SNX29: variants seen among roughly 807,000 people sequenced by gnomAD.
SNX29 encodes sorting nexin-29.
A neutral mutation model predicts 102.1 loss-of-function variants in SNX29; 78 were observed. The observed-to-expected ratio is 0.76, with a 90% confidence interval of 0.64 to 0.92. The LOEUF (loss-of-function observed/expected upper bound fraction) is 0.92. Ranked by LOEUF, SNX29 falls within the 40% of genes least tolerant of loss-of-function variation. The pLI, the probability that SNX29 is intolerant of heterozygous loss-of-function variation, is 0.00. For missense variants in SNX29, 1,280 were observed against 1,061.7 expected, an observed-to-expected ratio of 1.21 and a Z score of -2.86; for synonymous variants, 580 against 414.5, an observed-to-expected ratio of 1.40 and a Z score of -4.85.
intron 20 of SNX29, among the ~76,000 whole-genome samples, chr16:12,534,726 G>T (rs1302358369): frequency 2.0e-5 from 3 of 152,178 alleles, no homozygotes; most frequent in South Asian, 2.1e-4. Flanking sequence ...GTCACTCACT[G>T]CCCCTTGCCC....
rs551884597 is a variant in SNX29, at chr16:12,133,638, G to C, written c.1595+3880G>C. Among the ~76,000 whole-genome samples the C allele has an allele frequency of 2.0e-5, 3 of 152,230 alleles. No individual in the cohort carries two copies. In the East Asian group the frequency reaches 5.8e-4, roughly 29 times the overall value. The stretch of plus-strand genomic sequence containing the variant: ...TAATAAGTAAACTCTTTACCTCATA[G>C]AGTTTTGTTGAATAAATAAAACGAG... On this transcript the variant is annotated intron_variant, in intron 13 of 20. Coordinates refer to ENST00000566228, the MANE Select transcript of SNX29 (RefSeq NM_032167.5).
chr16:12,452,011 G>T (rs1315805878), intron 18 of SNX29, among the ~76,000 whole-genome samples: 1 of 152,162 alleles, frequency 6.6e-6, no homozygotes, highest in African/African-American at 2.4e-5. Context: ...CTCTAGAAAG[G>T]GCCCATGCTC....
chr16:12,199,743 G>A (rs769350388), intron 14 of SNX29, 60 bp downstream of exon 14: 20 of 1,393,542 alleles, frequency 1.4e-5, no homozygotes, highest in South Asian at 1.2e-4. Context: ...ACACCTGTAC[G>A]TGGCACGCAA....
In SNX29 at chr16:12,557,017, C is replaced by CG. The variant is rs1030746554; in HGVS notation, c.2319-11489_2319-11488insG. On this transcript the variant is annotated intron_variant, in intron 20 of 20. Transcript: ENST00000566228. ...TACACACCACATCTGGCTAATTTAC[C>CG]CCCCCCCCGCCCCAAGATGAGGTCT... 7.2e-5 allele frequency among the ~76,000 whole-genome samples: 8 copies of CG among 111,130 alleles called. 1 individual carries two copies. The East Asian group carries it at 1.5e-3, about 21-fold the overall frequency. The allele number at this position is 111,130 out of a possible 152,430, so 72.9% of individuals were successfully genotyped here.
chr16:12,119,508 C>T (rs766855296), intron 11 of SNX29, among the ~76,000 whole-genome samples: 1 of 152,336 alleles, frequency 6.6e-6, no homozygotes, highest in Middle Eastern at 3.4e-3. Flanking sequence ...GAGTGCCTCA[C>T]ATTTGTGTTT....
rs573137326 is a variant in SNX29, at chr16:12,571,999, G to T, written c.*3370G>T. The T allele has an allele frequency of 5.5e-5, 58 of 1,062,278 alleles. No individual in the cohort carries two copies. The African/African-American group carries it at 8.7e-4, about 16-fold the overall frequency. The allele number at this position is 1,062,278 out of a possible 1,614,324, so 65.8% of individuals were successfully genotyped here. On this transcript the variant is annotated 3_prime_UTR_variant, in exon 21 of 21. Coordinates refer to ENST00000566228, the MANE Select transcript of SNX29 (RefSeq NM_032167.5). The stretch of plus-strand genomic sequence containing the variant: ...CCATCTTCACATCCAGTCACCAGTT[G>T]CATCTAGGGAGCTGCTGGCTATAAA...
chr16:12,423,476 C>G (rs2084945480), intron 18 of SNX29, among the ~76,000 whole-genome samples: 1 of 152,186 alleles, frequency 6.6e-6, no homozygotes, highest in Non-Finnish European at 1.5e-5. Context: ...ACCCTACGAG[C>G]ACAGAGGGAC....
In SNX29 at chr16:12,214,393, T is replaced by A. The variant is rs552306174; in HGVS notation, c.1678+14710T>A. ...GTAGTTTGTCAGTCAGCTTTTGTTT[T>A]CAACTGCTTTCTGTCCTGGGAGCTG... On this transcript the variant is annotated intron_variant, in intron 14 of 20. Coordinates refer to ENST00000566228, the MANE Select transcript of SNX29 (RefSeq NM_032167.5). 5.3e-5 allele frequency among the ~76,000 whole-genome samples: 8 copies of A among 152,358 alleles called. No individual in the cohort carries two copies. The South Asian group carries it at 1.7e-3, about 32-fold the overall frequency.
chr16:12,473,533 G>T (rs1005277031), intron 18 of SNX29, among the ~76,000 whole-genome samples: 16 of 152,226 alleles, frequency 1.1e-4, no homozygotes, highest in Admixed American at 6.5e-5. Flanking sequence ...GCAGCCTGCT[G>T]TTGTCAGAGG....
chr16:11,985,456 G>C (rs1007989573), intron 1 of SNX29, among the ~76,000 whole-genome samples: 1 of 152,188 alleles, frequency 6.6e-6, no homozygotes, highest in South Asian at 2.1e-4. Context: ...CATAGGGCTG[G>C]CTTCAAGCTT....
At chr16:12,041,191 A>G (rs748607531) in intron 4 of SNX29, among the ~76,000 whole-genome samples, 7 of 151,602 alleles carry the variant, frequency 4.6e-5, no homozygotes, top group Non-Finnish European at 8.8e-5. Flanking sequence ...GGCTCATTGC[A>G]CCTTCTGCCT....
chr16:12,170,688 G>A (rs922513729), intron 13 of SNX29, among the ~76,000 whole-genome samples: 3 of 151,958 alleles, frequency 2.0e-5, no homozygotes, highest in Non-Finnish European at 4.4e-5. Context: ...GGCTGAGTGG[G>A]TGGTAGACAC....
At chr16:12,156,484 T>C (rs11642667) in intron 13 of SNX29, among the ~76,000 whole-genome samples, 66,891 of 152,108 alleles carry the variant, frequency 0.44, 19,168 homozygotes, top group African/African-American at 0.82. Context: ...CTTGGAGTCT[T>C]AGGAAGGGGC....
intron 15 of SNX29, among the ~76,000 whole-genome samples, chr16:12,326,193 G>A (rs1488911726): frequency 1.3e-5 from 2 of 152,068 alleles, no homozygotes; most frequent in East Asian, 3.9e-4. Context: ...ATATTTTTTA[G>A]TAGAGATGGG....
intron 14 of SNX29, among the ~76,000 whole-genome samples, chr16:12,250,554 T>TG (rs376408939): frequency 1.3e-5 from 2 of 152,366 alleles, no homozygotes; most frequent in African/African-American, 4.8e-5. Context: ...CTTGCTCCAC[T>TG]GGGTACTGGC....
chr16:12,150,054 G>A (rs1328588155), intron 13 of SNX29, among the ~76,000 whole-genome samples: 5 of 152,282 alleles, frequency 3.3e-5, no homozygotes, highest in South Asian at 2.1e-4. Context: ...GGTGGCCTGG[G>A]AACAGATTCC....
intron 11 of SNX29, among the ~76,000 whole-genome samples, chr16:12,091,014 C>CAAAAAAAAAAAAAAAA (rs58933500): frequency 1.3e-3 from 71 of 53,416 alleles, no homozygotes; most frequent in African/African-American, 2.5e-3. Flanking sequence ...GACTTCATCT[C>CAAAAAAAAAAAAAAAA]AAAAAAAAAA....
intron 18 of SNX29, among the ~76,000 whole-genome samples, chr16:12,417,364 C>T (rs960516469): frequency 2.0e-5 from 3 of 152,184 alleles, no homozygotes; most frequent in Non-Finnish European, 4.4e-5. Flanking sequence ...TTCCTTGTTT[C>T]AGGCTGTCTG....
intron 13 of SNX29, among the ~76,000 whole-genome samples, chr16:12,168,068 A>G (rs1178450340): frequency 6.6e-6 from 1 of 152,212 alleles, no homozygotes; most frequent in African/African-American, 2.4e-5. Context: ...GCACTGGGAG[A>G]CAGTCATGAA....
Sources: allele counts gnomAD v4.1 joint callset (sites outside exome capture counted in the v4.1 genomes callset), GRCh38; gene constraint gnomAD v4.1.1; transcripts MANE v1.5; gene names NCBI Gene and HGNC (gene_info 2026-07-23, HGNC 2026-07-21).